Variants in SH2B3 observed in about 807,000 individuals in gnomAD.
The protein encoded by SH2B3 is SH2B adapter protein 3.
SH2B3 carries 43 observed loss-of-function variants against 51.9 expected under a neutral mutation model. That is an observed-to-expected ratio of 0.83 (90% CI 0.65 to 1.07). The LOEUF (loss-of-function observed/expected upper bound fraction) is 1.07. Among genes scored for constraint, SH2B3 ranks in the 50% least tolerant of loss-of-function variants. SH2B3 has a pLI of 0.00. For missense variants in SH2B3, 952 were observed against 834.3 expected (o/e 1.14, Z -1.74); for synonymous variants, 396 against 376.0 (o/e 1.05, Z -0.62).
rs1214272386 is a variant in SH2B3 at position 111,429,084 on chromosome 12, CG to C, written c.732+10208del. Among the ~76,000 whole-genome samples, 1 of 151,356 alleles carries C rather than the reference CG, an allele frequency of 6.6e-6. No homozygotes were observed. The highest frequency in any genetic ancestry group is 1.5e-5 in the Non-Finnish European group (1 of 67,676). ...AGGAGGAGGAGGGACGGCAGGAAGCCGCCTCGGGCTCTGACAGGCGCGGCCC... is the reference window on the plus strand; with the variant it reads ...AGGAGGAGGAGGGACGGCAGGAAGCCCCTCGGGCTCTGACAGGCGCGGCCC... On this transcript the variant is annotated intron_variant, in intron 2 of 7. Transcript: ENST00000341259. The surrounding 1 kb of genome is among the most constrained non-coding windows in gnomAD (Gnocchi z 4.4).
At position 111,410,159 on chromosome 12, in the gene SH2B3, C is replaced by T. The variant is rs539284990; in HGVS notation, c.-28+3882C>T. 7.6e-4 allele frequency among the ~76,000 whole-genome samples: 115 copies of T among 152,268 alleles called. No individual in the cohort carries two copies. The highest frequency in any genetic ancestry group is 1.2e-3 in the Non-Finnish European group (84 of 67,998). ...CTCCTCACAGGGGCTGACTCACAGG[C>T]GCCCAATGGGGGGCCCCAGCTGGGA... is the stretch of plus-strand genomic sequence containing the variant. On this transcript the variant is annotated intron_variant, in intron 1 of 7. Transcript: ENST00000341259. The surrounding 1 kb of genome is among the most constrained non-coding windows in gnomAD (Gnocchi z 4.9).
chr12:111,447,219 G>C lies in SH2B3; in HGVS notation c.1021G>C (p.Gly341Arg). The change falls in exon 5 of 8, where the codon GGT becomes CGT. Residue 341 changes from glycine to arginine, a missense_variant and splice_region_variant. By Grantham distance (125) the Gly-to-Arg change is moderately radical. Coordinates refer to ENST00000341259, the MANE Select transcript of SH2B3 (RefSeq NM_005475.3). ...PRGSTDSLNQ[G>R]ASPGGLLDPA... Reference sequence around the variant, plus strand: ...GGGCAGCACAGATTCCCTTAACCAAGGTGGGTAAACCAATAGCTAGGCCAT... The same window carrying C: ...GGGCAGCACAGATTCCCTTAACCAACGTGGGTAAACCAATAGCTAGGCCAT... 6.2e-7 allele frequency: 1 copy of C among 1,611,910 alleles called. No individual in the cohort carries two copies. Among genetic ancestry groups the C allele is most frequent in the Non-Finnish European group, 8.5e-7 (1 of 1,177,994 alleles).
At chr12:111,430,870 G>C (rs1414177426) in intron 2 of SH2B3, among the ~76,000 whole-genome samples, 1 of 152,278 alleles carries the variant, frequency 6.6e-6, no homozygotes, top group Non-Finnish European at 1.5e-5. Flanking sequence ...GGGTCCCCAG[G>C]GTCCCTCCCC....
rs200089302 is a variant in SH2B3 at position 111,448,028 on chromosome 12, A to G, written c.1454A>G (p.Asp485Gly). 1 of 1,610,898 alleles carries G rather than the reference A, an allele frequency of 6.2e-7. No individual in the cohort carries two copies. Residue 485 changes from aspartate to glycine, a missense_variant, in exon 8 of 8, where the codon GAT becomes GGT. Asp to Gly is a moderately conservative substitution (Grantham distance 94). Coordinates refer to ENST00000341259, the MANE Select transcript of SH2B3 (RefSeq NM_005475.3). ...TTCCCTTTCTCCCTTCCTCACTGGG[A>G]TTCAGAGTCCCTTCCTCACTGGGGT... ...VLFPFSLPHW[D>G]SESLPHWGSE...
chr12:111,429,844 C>T lies in SH2B3; in HGVS notation c.732+10967C>T, dbSNP rs771422085. 1.1e-4 allele frequency among the ~76,000 whole-genome samples: 16 copies of T among 152,096 alleles called. No individual in the cohort carries two copies. The highest frequency in any genetic ancestry group is 2.1e-4 in the South Asian group (1 of 4,826). ...GAGTCCCTGGTGGGTCTGCCAAGGC[C>T]GGGGGGCACCAGGGGCAGGGGGTTT... On this transcript the variant is annotated intron_variant, in intron 2 of 7. Transcript: ENST00000341259. The surrounding 1 kb of genome is among the most constrained non-coding windows in gnomAD (Gnocchi z 4.4).
Position 111,409,364 on chromosome 12 carries a change from C to A in SH2B3, c.-28+3087C>A, listed in dbSNP as rs1476925061. On this transcript the variant is annotated intron_variant, in intron 1 of 7. Transcript: ENST00000341259. The surrounding 1 kb of genome is among the most constrained non-coding windows in gnomAD (Gnocchi z 4.0). ...TCAATAAGTGCAAGCCATTGCTGTTCATGCCCAATAGGGGCTGGCACTTAA... is the reference window on the plus strand; with the variant it reads ...TCAATAAGTGCAAGCCATTGCTGTTAATGCCCAATAGGGGCTGGCACTTAA... 1.3e-5 allele frequency among the ~76,000 whole-genome samples: 2 copies of A among 152,246 alleles called. No homozygotes were observed. Among genetic ancestry groups the A allele is most frequent in the African/African-American group, 4.8e-5 (2 of 41,460 alleles).
chr12:111,439,832 G>A (rs541717429), intron 2 of SH2B3, among the ~76,000 whole-genome samples: 1 of 152,340 alleles, frequency 6.6e-6, no homozygotes, highest in South Asian at 2.1e-4. Flanking sequence ...GGGCCCAGGT[G>A]TCACACTGTT....
rs181879167 is a variant in SH2B3, at chr12:111,447,501, G to A, written c.1193G>A (p.Arg398His). 2.2e-5 allele frequency: 35 copies of A among 1,612,294 alleles called. No homozygotes were observed. The highest frequency in any genetic ancestry group is 2.5e-5 in the Non-Finnish European group (30 of 1,179,612). Residue 398 changes from arginine to histidine, a missense_variant, in exon 6 of 8, where the codon CGT (arginine) becomes CAT (histidine). Coordinates refer to ENST00000341259, the MANE Select transcript of SH2B3 (RefSeq NM_005475.3). ...VFLVRQSETR[R>H]GEYVLTFNFQ... ...CTGGTGCGGCAGAGCGAGACGCGGC[G>A]TGGGGAATACGTGCTCACTTTCAAC...
intron 2 of SH2B3, among the ~76,000 whole-genome samples, chr12:111,445,780 G>A (rs1217722689): frequency 1.3e-5 from 2 of 152,262 alleles, no homozygotes; most frequent in Admixed American, 6.5e-5. Flanking sequence ...CCAGGCCACT[G>A]GGTCATGATC....
chr12:111,413,751 G>A (rs146026205), intron 1 of SH2B3, among the ~76,000 whole-genome samples: 99 of 152,374 alleles, frequency 6.5e-4, no homozygotes, highest in African/African-American at 2.3e-3. Flanking sequence ...CATTCATTGA[G>A]CTCCTGCTGT....
In SH2B3 at chr12:111,447,757, C is replaced by T. The variant is rs1874169183; in HGVS notation, c.1338C>T (p.Ile446=). 1.9e-6 allele frequency: 3 copies of T among 1,614,156 alleles called. No individual in the cohort carries two copies. The highest frequency in any genetic ancestry group is 2.5e-6 in the Non-Finnish European group (3 of 1,180,020). Residue 446 remains isoleucine (I), a synonymous_variant, in exon 7 of 8, where the codon ATC becomes ATT. Transcript: ENST00000341259. ...TCCACCACTTCCAGCGCTCGCCCATCCCACTCGAGTGCGGCGCCGCCTGTG... is the reference window on the plus strand; with the variant it reads ...TCCACCACTTCCAGCGCTCGCCCATTCCACTCGAGTGCGGCGCCGCCTGTG... ...DMLHHFQRSP[I]PLECGAACDV... is the part of the protein sequence containing the mutation.
chr12:111,447,301 C>T (rs74163666), intron 5 of SH2B3, 29 bp from the exon 6 acceptor site: 624 of 1,596,018 alleles, frequency 3.9e-4, no homozygotes, highest in South Asian at 6.1e-4. Context: ...TAGCCCCCTG[C>T]GACCACCATC....
chr12:111,424,523 C>T (rs1427114947), intron 2 of SH2B3, among the ~76,000 whole-genome samples: 1 of 152,156 alleles, frequency 6.6e-6, no homozygotes, highest in Non-Finnish European at 1.5e-5. Context: ...ATCAGATTCC[C>T]TAGGGCTTTT....
Position 111,449,314 on chromosome 12 carries a change from C to G in SH2B3, c.*1012C>G, listed in dbSNP as rs1874371406. ...GTAAATCCTTCAGCAACAAGGCTGG[C>G]TTGGTGCCCTCCAAGCATCTAATGG... On this transcript the variant is annotated 3_prime_UTR_variant, in exon 8 of 8. Coordinates refer to ENST00000341259, the MANE Select transcript of SH2B3 (RefSeq NM_005475.3). 1 of 152,222 alleles carries G rather than the reference C, an allele frequency of 6.6e-6. No homozygotes were observed. The highest frequency in any genetic ancestry group is 6.5e-5 in the Admixed American group (1 of 15,286). 9.4% of individuals were successfully genotyped at this position (152,222 alleles called of 1,614,324 possible). A position where few individuals can be genotyped will look rare whatever the true frequency, so the allele number is the denominator to read the frequency against.
chr12:111,425,906 C>T (rs111634276), intron 2 of SH2B3, among the ~76,000 whole-genome samples: 8 of 152,240 alleles, frequency 5.3e-5, no homozygotes, highest in African/African-American at 1.2e-4. Context: ...GGCTCACGAC[C>T]GACACTCTTG....
chr12:111,449,811 G>C lies in SH2B3; in HGVS notation c.*1509G>C, dbSNP rs906373385. On this transcript the variant is annotated 3_prime_UTR_variant, in exon 8 of 8. Transcript: ENST00000341259. The stretch of plus-strand genomic sequence containing the variant: ...TCATAGGACTGACTGCCTGGGAGGA[G>C]GGTTAGGTCTGCTTCTTCCACTTAT... The C allele has an allele frequency of 6.6e-6, 1 of 152,218 alleles. No individual in the cohort carries two copies. Among genetic ancestry groups the C allele is most frequent in the Non-Finnish European group, 1.5e-5 (1 of 68,048 alleles). The allele number at this position is 152,218 out of a possible 1,614,324, so 9.4% of individuals were successfully genotyped here. A position where few individuals can be genotyped will look rare whatever the true frequency, so the allele number is the denominator to read the frequency against.
rs1255626612 is a variant in SH2B3, at chr12:111,446,821, G to A, written c.801G>A (p.Glu267=). 1.9e-6 allele frequency: 3 copies of A among 1,586,002 alleles called. No individual in the cohort carries two copies. The highest frequency in any genetic ancestry group is 1.3e-5 in the African/African-American group (1 of 74,526). ...AGGTCCGGTGGTGCACACGGCTTGAGATGCCTGACAACCTTTACACCTTTG... is the reference window on the plus strand; with the variant it reads ...AGGTCCGGTGGTGCACACGGCTTGAAATGCCTGACAACCTTTACACCTTTG... The part of the protein sequence containing the change: ...IQEVRWCTRL[E]MPDNLYTFVL... Residue 267 remains glutamate (E), a synonymous_variant, in exon 3 of 8, where the codon GAG becomes GAA. Transcript: ENST00000341259.
chr12:111,417,402 G>A (rs1871167565), intron 1 of SH2B3, among the ~76,000 whole-genome samples: 1 of 152,080 alleles, frequency 6.6e-6, no homozygotes, highest in Admixed American at 6.6e-5. Context: ...AGGAAAAGTT[G>A]TCAACTTTTC....
intron 2 of SH2B3, chr12:111,444,695 C>A: frequency 1.0e-6 from 1 of 982,634 alleles, no homozygotes. Flanking sequence ...CCCATCCCCC[C>A]ATATAGCTTA....
Sources: gnomAD v4.1 joint callset for allele counts (sites outside exome capture counted in the v4.1 genomes callset) on GRCh38, gnomAD v4.1.1 for gene constraint, Gnocchi (gnomAD v3.1) non-coding constraint, MANE v1.5 for transcripts, NCBI Gene and HGNC (gene_info 2026-07-23, HGNC 2026-07-21) for gene names.